Variants in CLCN4 observed in about 807,000 individuals in gnomAD.
CLCN4 encodes the protein H(+)/Cl(-) exchange transporter 4.
CLCN4 carries 1 observed loss-of-function variant against 41.7 expected under a neutral mutation model. The ratio of observed to expected loss-of-function variants is 0.02; its 90% CI spans 0.01 to 0.11. The LOEUF (loss-of-function observed/expected upper bound fraction) is 0.11. Ranked by LOEUF, CLCN4 falls within the 10% of genes least tolerant of loss-of-function variation. The pLI is 1.00. For missense variants in CLCN4, 287 were observed against 661.0 expected, an observed-to-expected ratio of 0.43 and a Z score of 6.20; for synonymous variants, 277 against 285.8, an observed-to-expected ratio of 0.97 and a Z score of 0.31.
Position 10,233,374 on chromosome X carries a change from G to A in CLCN4, c.2193-120G>A, listed in dbSNP as rs906259474. 41 of 516,757 alleles carry A rather than the reference G, an allele frequency of 7.9e-5. No individual in the cohort carries two copies. The African/African-American group carries it at 9.3e-4, about 12-fold the overall frequency. 42.6% of individuals were successfully genotyped at this position (516,757 alleles called of 1,213,427 possible). A position where few individuals can be genotyped will look rare whatever the true frequency, so the allele number is the denominator to read the frequency against. On this transcript the variant is annotated intron_variant, in intron 12 of 12. Coordinates refer to ENST00000380833, the MANE Select transcript of CLCN4 (RefSeq NM_001830.4). ...CTCCATTGGCTCTGCCTAACCACAA[G>A]GGAGGCTGGGAAATGTTGTCTGTCT...
chrX:10,214,155 T>G, intron 11 of CLCN4, 76 bp downstream of exon 11: 15 of 1,016,460 alleles, frequency 1.5e-5, no homozygotes, highest in Admixed American at 3.7e-5. Flanking sequence ...TTATCCAAGA[T>G]TTTTGAGGTG....
chrX:10,175,671 G>A (rs1213298857), intron 2 of CLCN4, among the ~76,000 whole-genome samples: 2 of 111,680 alleles, frequency 1.8e-5, no homozygotes, highest in East Asian at 5.6e-4. Flanking sequence ...TAGAATTTCT[G>A]TTGTGTCCTA....
chrX:10,166,466 A>G (rs1407115641), intron 2 of CLCN4, among the ~76,000 whole-genome samples: 1 of 111,300 alleles, frequency 9.0e-6, no homozygotes, highest in African/African-American at 3.3e-5. Context: ...ACGGTGTAGG[A>G]GAAACGTGGC....
chrX:10,172,393 TTAGC>T (rs1208160871), intron 2 of CLCN4, among the ~76,000 whole-genome samples: 3 of 111,945 alleles, frequency 2.7e-5, no homozygotes, highest in African/African-American at 9.8e-5. Context: ...TGGTTGGAAA[TTAGC>T]TAGAGCTTAC....
chrX:10,223,289 A>G (rs1346978897), intron 12 of CLCN4, among the ~76,000 whole-genome samples: 1 of 111,679 alleles, frequency 9.0e-6, no homozygotes, highest in African/African-American at 3.3e-5. Flanking sequence ...TCCAAAGTCA[A>G]TTATCGTTGG....
chrX:10,183,472 T>G (rs1923735456), intron 2 of CLCN4, among the ~76,000 whole-genome samples: 1 of 112,533 alleles, frequency 8.9e-6, no homozygotes, highest in African/African-American at 3.2e-5. Flanking sequence ...TAACCACCCT[T>G]CAGATTTTTA....
At chrX:10,194,055 A>G (rs778762138) in intron 4 of CLCN4, among the ~76,000 whole-genome samples, 2 of 109,810 alleles carry the variant, frequency 1.8e-5, no homozygotes, top group East Asian at 5.8e-4. Context: ...ACGAGGCCCC[A>G]TGGAGGAAGG....
At chrX:10,208,646 C>T in intron 9 of CLCN4, 56 bp downstream of exon 9, 1 of 1,054,582 alleles carries the variant, frequency 9.5e-7, no homozygotes, top group Non-Finnish European at 1.3e-6. Context: ...GGGGACAGCA[C>T]CCTACTCTCT....
chrX:10,194,648 G>A (rs1924050953), intron 4 of CLCN4, among the ~76,000 whole-genome samples: 1 of 112,197 alleles, frequency 8.9e-6, no homozygotes, highest in African/African-American at 3.2e-5. Flanking sequence ...AAAGTTGCTT[G>A]TCTCTCCTAC....
chrX:10,208,679 A>G, intron 9 of CLCN4, 89 bp downstream of exon 9: 1 of 867,879 alleles, frequency 1.2e-6, no homozygotes, highest in Non-Finnish European at 1.6e-6. Flanking sequence ...CGGTGGGAAA[A>G]AAAGGGGAAC....
intron 12 of CLCN4, among the ~76,000 whole-genome samples, chrX:10,232,380 A>AT (rs1158919246): frequency 8.9e-6 from 1 of 112,518 alleles, no homozygotes; most frequent in Non-Finnish European, 1.9e-5. Flanking sequence ...AAATGACAGT[A>AT]TATTACAGTT....
At chrX:10,182,294 G>A (rs1041337030) in intron 2 of CLCN4, among the ~76,000 whole-genome samples, 1 of 112,287 alleles carries the variant, frequency 8.9e-6, no homozygotes, top group Non-Finnish European at 1.9e-5. Context: ...CTCCTTCAAA[G>A]GACTCAGTGG....
rs181705805 is a variant in CLCN4, at chrX:10,207,217, G to A, written c.843+441G>A. 1.0e-3 allele frequency among the ~76,000 whole-genome samples: 113 copies of A among 112,279 alleles called. 1 individual carries two copies. The highest frequency in any genetic ancestry group is 3.5e-3 in the African/African-American group (109 of 30,898). On this transcript the variant is annotated intron_variant, in intron 8 of 12. Transcript: ENST00000380833. Reference sequence around the variant, plus strand: ...ATTACAGGCGTGAGCCACAATACCCGGCCACCAGCGATAAATTCCTGTTTT... The same window carrying A: ...ATTACAGGCGTGAGCCACAATACCCAGCCACCAGCGATAAATTCCTGTTTT...
intron 6 of CLCN4, among the ~76,000 whole-genome samples, chrX:10,199,168 C>G (rs185934906): frequency 8.9e-6 from 1 of 112,547 alleles, no homozygotes; most frequent in Admixed American, 9.4e-5. Flanking sequence ...CCTGTTTTCT[C>G]AGCGCAGCCA....
intron 2 of CLCN4, among the ~76,000 whole-genome samples, chrX:10,176,695 G>C (rs975765557): frequency 1.4e-4 from 16 of 111,795 alleles, no homozygotes; most frequent in African/African-American, 4.9e-4. Flanking sequence ...CTTTTAATCT[G>C]AGTTATGACT....
At chrX:10,194,865 G>A (rs1411019235) in intron 4 of CLCN4, 46 bp from the exon 5 acceptor site, 17 of 1,167,267 alleles carry the variant, frequency 1.5e-5, no homozygotes, top group Non-Finnish European at 1.9e-5. Flanking sequence ...CATTCTTGTC[G>A]CATCATGGGG....
At position 10,222,757 on chromosome X, in the gene CLCN4, G is replaced by A. The variant is rs778783264; in HGVS notation, c.2192+1880G>A. ...ATCCTATTCATTCCACTTTCTTCCT[G>A]CTGTCCTGGTAGCAAGCACACAGGG... On this transcript the variant is annotated intron_variant, in intron 12 of 12. Transcript: ENST00000380833. Among the ~76,000 whole-genome samples, 3 of 111,811 alleles carry A rather than the reference G, an allele frequency of 2.7e-5. No individual in the cohort carries two copies. In the South Asian group the frequency reaches 1.1e-3, roughly 42 times the overall value.
intron 2 of CLCN4, among the ~76,000 whole-genome samples, chrX:10,172,898 A>T (rs912111205): frequency 1.8e-5 from 2 of 111,772 alleles, no homozygotes; most frequent in African/African-American, 6.5e-5. Context: ...TAATTTGAAG[A>T]TGGCTATTAA....
chrX:10,188,509 A>C (rs934053829), intron 4 of CLCN4, among the ~76,000 whole-genome samples: 1 of 112,075 alleles, frequency 8.9e-6, no homozygotes, highest in Non-Finnish European at 1.9e-5. Flanking sequence ...AATGGATGCT[A>C]TCTGGAGGGG....
Sources: gnomAD v4.1 joint callset for allele counts (sites outside exome capture counted in the v4.1 genomes callset) on GRCh38, gnomAD v4.1.1 for gene constraint, MANE v1.5 for transcripts, NCBI Gene and HGNC (gene_info 2026-07-23, HGNC 2026-07-21) for gene names.